DNM3: variants seen among roughly 807,000 people sequenced by gnomAD.
DNM3 encodes dynamin 3.
In DNM3, 47 loss-of-function variants were observed where a neutral mutation model predicts 101.6. The observed-to-expected ratio is 0.46, with a 90% CI of 0.37 to 0.59. The LOEUF (loss-of-function observed/expected upper bound fraction) is 0.59, where lower values mean the gene tolerates loss of function less well. Among genes scored for constraint, DNM3 ranks in the 20% least tolerant of loss-of-function variants. DNM3 has a pLI of 0.00. For missense variants in DNM3, 849 were observed against 1,085.7 expected (o/e 0.78, Z 3.06); for synonymous variants, 385 against 387.9 (o/e 0.99, Z 0.09).
intron 2 of DNM3, among the ~76,000 whole-genome samples, chr1:171,935,104 G>C (rs2125384547): frequency 6.6e-6 from 1 of 151,978 alleles, no homozygotes; most frequent in South Asian, 2.1e-4. Context: ...TTTTATATTT[G>C]CAGAATATAT....
chr1:172,176,956 C>T (rs2059173691), intron 14 of DNM3, among the ~76,000 whole-genome samples: 2 of 151,672 alleles, frequency 1.3e-5, no homozygotes, highest in African/African-American at 4.8e-5. Context: ...TAACGAAAGC[C>T]TGCTCTAGGG....
At chr1:172,382,455 C>T (rs957713038) in intron 18 of DNM3, among the ~76,000 whole-genome samples, 10 of 152,078 alleles carry the variant, frequency 6.6e-5, no homozygotes, top group Admixed American at 5.9e-4. Flanking sequence ...ATGTTGGATA[C>T]CCATTATTTT....
At chr1:171,845,411 G>A (rs181787658) in intron 1 of DNM3, among the ~76,000 whole-genome samples, 15 of 152,296 alleles carry the variant, frequency 9.8e-5, no homozygotes, top group African/African-American at 3.1e-4. Flanking sequence ...TAATTAGCCA[G>A]GTATGGTGGA....
At chr1:171,865,515 C>CAAAAAAA (rs57826674) in intron 1 of DNM3, among the ~76,000 whole-genome samples, 4 of 80,650 alleles carry the variant, frequency 5.0e-5, no homozygotes, top group Non-Finnish European at 9.4e-5. Context: ...GATCCTGTCT[C>CAAAAAAA]AAAAAAAAAA....
chr1:172,152,163 C>T (rs2058158086), intron 14 of DNM3, among the ~76,000 whole-genome samples: 1 of 152,068 alleles, frequency 6.6e-6, no homozygotes, highest in South Asian at 2.1e-4. Flanking sequence ...GGATTACAGG[C>T]ATAAGCCACC....
At chr1:172,283,832 G>A (rs1408850952) in intron 15 of DNM3, among the ~76,000 whole-genome samples, 1 of 150,618 alleles carries the variant, frequency 6.6e-6, no homozygotes, top group African/African-American at 2.4e-5. Context: ...TGAGATGTAA[G>A]AGGGTTATAT....
At chr1:172,304,011 T>C (rs977854124) in intron 15 of DNM3, among the ~76,000 whole-genome samples, 1 of 151,656 alleles carries the variant, frequency 6.6e-6, no homozygotes, top group Admixed American at 6.6e-5. Context: ...AATGTCAGGA[T>C]CAGAGTCAGA....
intron 13 of DNM3, among the ~76,000 whole-genome samples, chr1:172,126,984 C>T (rs1350268956): frequency 6.6e-6 from 1 of 152,114 alleles, no homozygotes; most frequent in Non-Finnish European, 1.5e-5. Context: ...AAAGAGAACA[C>T]AATTACGCTG....
chr1:172,231,019 G>A (rs933742221), intron 14 of DNM3, among the ~76,000 whole-genome samples: 1 of 151,646 alleles, frequency 6.6e-6, no homozygotes, highest in Admixed American at 6.6e-5. Context: ...TAGGAGTTCA[G>A]CTCCTAGATG....
chr1:172,192,460 T>C (rs920468799), intron 14 of DNM3, among the ~76,000 whole-genome samples: 2 of 151,064 alleles, frequency 1.3e-5, no homozygotes, highest in Non-Finnish European at 3.0e-5. Context: ...TGTGCCATGC[T>C]GGTGCGCTGC....
intron 2 of DNM3, among the ~76,000 whole-genome samples, chr1:171,948,321 A>C (rs1220829760): frequency 6.6e-6 from 1 of 152,210 alleles, no homozygotes. Context: ...TAATCAAGAT[A>C]CTAATGTATA....
intron 17 of DNM3, among the ~76,000 whole-genome samples, chr1:172,370,595 T>C (rs1485885668): frequency 2.0e-5 from 3 of 151,974 alleles, no homozygotes; most frequent in Non-Finnish European, 4.4e-5. Flanking sequence ...TTGTGCCAGG[T>C]ACTCTTCTGA....
intron 17 of DNM3, among the ~76,000 whole-genome samples, chr1:172,337,877 TTTTA>T (rs2066507517): frequency 1.1e-5 from 1 of 90,494 alleles, no homozygotes; most frequent in African/African-American, 8.2e-5. Flanking sequence ...TTTTATTTTA[TTTTA>T]TTTTATTTTA....
At chr1:172,167,555 G>A (rs995210728) in intron 14 of DNM3, among the ~76,000 whole-genome samples, 12 of 151,942 alleles carry the variant, frequency 7.9e-5, no homozygotes, top group African/African-American at 2.4e-4. Flanking sequence ...AAGTGTTCCT[G>A]TTTCTCCACA....
At chr1:171,923,783 A>C (rs1421466598) in intron 2 of DNM3, among the ~76,000 whole-genome samples, 2 of 152,172 alleles carry the variant, frequency 1.3e-5, no homozygotes, top group Non-Finnish European at 2.9e-5. Context: ...CTATCACCCA[A>C]ATAGTAAACG....
intron 13 of DNM3, chr1:172,093,785 AG>A: frequency 6.5e-7 from 1 of 1,547,362 alleles, no homozygotes; most frequent in Non-Finnish European, 8.8e-7. Flanking sequence ...CCAAGGGCAC[AG>A]TTTGTCTTTA....
intron 14 of DNM3, among the ~76,000 whole-genome samples, chr1:172,234,360 A>G (rs12401515): frequency 0.17 from 25,308 of 152,078 alleles, 2,488 homozygotes; most frequent in East Asian, 0.28. Flanking sequence ...AAGGAGAACT[A>G]CAAACCACTG....
chr1:172,406,000 T>G (rs1341093403), intron 20 of DNM3, among the ~76,000 whole-genome samples: 1 of 151,964 alleles, frequency 6.6e-6, no homozygotes, highest in Non-Finnish European at 1.5e-5. Context: ...GGAGGAACTT[T>G]CATTCATTCA....
At chr1:172,082,333 T>C (rs2125989346) in intron 12 of DNM3, among the ~76,000 whole-genome samples, 1 of 152,264 alleles carries the variant, frequency 6.6e-6, no homozygotes, top group East Asian at 1.9e-4. Flanking sequence ...CTGTTTTTTT[T>C]TTTTTTTTAA....
Sources: allele counts gnomAD v4.1 joint callset (sites outside exome capture counted in the v4.1 genomes callset), GRCh38; gene constraint gnomAD v4.1.1; transcripts MANE v1.5; gene names NCBI Gene and HGNC (gene_info 2026-07-23, HGNC 2026-07-21).